The following EXOC2 variants were observed in gnomAD, a reference collection of about 807,000 sequenced individuals.
EXOC2 encodes exocyst complex component 2, also known as SEC5-like 1.
EXOC2 carries 70 observed loss-of-function variants against 131.8 expected under a neutral mutation model. The ratio of observed to expected loss-of-function variants is 0.53; its 90% CI spans 0.44 to 0.65. EXOC2 has a LOEUF of 0.65. EXOC2 is among the 30% of genes least tolerant of loss of function. The probability of loss-of-function intolerance (pLI) is 0.00; values close to 1 mark genes in which losing one functional copy is unlikely to be tolerated. For missense variants in EXOC2, 923 were observed against 1,108.6 expected (o/e 0.83, Z 2.38); for synonymous variants, 411 against 398.4 (o/e 1.03, Z -0.38).
intron 1 of EXOC2, among the ~76,000 whole-genome samples, chr6:658,700 C>T (rs1262981328): frequency 2.5e-5 from 3 of 117,970 alleles, no homozygotes; most frequent in Non-Finnish European, 5.3e-5. Context: ...TTGCTTTTGT[C>T]GCCCAGGCTA....
intron 11 of EXOC2, among the ~76,000 whole-genome samples, chr6:577,612 G>A (rs1327466141): frequency 6.6e-6 from 1 of 152,186 alleles, no homozygotes; most frequent in Non-Finnish European, 1.5e-5. Flanking sequence ...TAAGGACATT[G>A]GCTTGAAGAG....
intron 2 of EXOC2, among the ~76,000 whole-genome samples, chr6:635,574 G>A (rs1016019064): frequency 6.6e-6 from 1 of 152,010 alleles, no homozygotes; most frequent in African/African-American, 2.4e-5. Flanking sequence ...AAATAAAATA[G>A]CACCTTTTAG....
chr6:537,369 C>A (rs1441920157), intron 22 of EXOC2, among the ~76,000 whole-genome samples: 3 of 148,464 alleles, frequency 2.0e-5, no homozygotes, highest in African/African-American at 7.5e-5. Flanking sequence ...AGCGCACACT[C>A]GAGTTGATGG....
At chr6:630,242 T>G (rs1426236984) in intron 3 of EXOC2, among the ~76,000 whole-genome samples, 4 of 150,822 alleles carry the variant, frequency 2.7e-5, no homozygotes, top group Non-Finnish European at 4.4e-5. Context: ...TAGACAAAGT[T>G]TTGCAATAAC....
chr6:672,249 A>G (rs1372063712), intron 1 of EXOC2, among the ~76,000 whole-genome samples: 3 of 152,066 alleles, frequency 2.0e-5, no homozygotes, highest in African/African-American at 7.2e-5. Flanking sequence ...CTCTTCTGTT[A>G]GTGTTATTTC....
Position 549,226 on chromosome 6 carries a change from G to A in EXOC2, c.2187C>T (p.Ile729=), listed in dbSNP as rs199850010. 271 of 1,614,134 alleles carry A rather than the reference G, an allele frequency of 1.7e-4. 1 individual carries two copies. Among genetic ancestry groups the A allele is most frequent in the South Asian group, 1.0e-3 (95 of 91,082 alleles). Residue 729 remains isoleucine, a synonymous_variant, in exon 22 of 28, where the codon ATC becomes ATT. Transcript: ENST00000230449. Reference sequence around the variant, plus strand: ...AGTTGTGCTTTTCAAAATGTTCTGCGATATTTAGGAAGGTGTGACGTTCTA... The same window carrying A: ...AGTTGTGCTTTTCAAAATGTTCTGCAATATTTAGGAAGGTGTGACGTTCTA... ...CYLERHTFLN[I]AEHFEKHNFQ... is the part of the protein sequence containing the mutation.
At chr6:628,492 G>C (rs1761691009) in intron 4 of EXOC2, among the ~76,000 whole-genome samples, 1 of 152,130 alleles carries the variant, frequency 6.6e-6, no homozygotes, top group Non-Finnish European at 1.5e-5. Context: ...AGAGAACAGG[G>C]GTGGGGGTAA....
Position 522,495 on chromosome 6 carries a change from G to A in EXOC2, c.2380+9974C>T, listed in dbSNP as rs117710795. Among the ~76,000 whole-genome samples the A allele has an allele frequency of 5.0e-4, 72 of 143,900 alleles. 2 individuals carry two copies. The East Asian group carries it at 0.014, about 28-fold the overall frequency. The allele number at this position is 143,900 out of a possible 152,430, so 94.4% of individuals were successfully genotyped here. On this transcript the variant is annotated intron_variant, in intron 23 of 27. Transcript: ENST00000230449. ...GACTGCAGGACAGCGTGTGGGGAGC[G>A]CTGAACTGGGCTGGGCTCAAGTGAA...
chr6:577,898 T>C lies in EXOC2; in HGVS notation c.1193-1016A>G, dbSNP rs749249534. On this transcript the variant is annotated intron_variant, in intron 11 of 27. Coordinates refer to ENST00000230449, the MANE Select transcript of EXOC2 (RefSeq NM_018303.6). The stretch of plus-strand genomic sequence containing the variant: ...TACAGCTATTACACAAGGTCACCTC[T>C]TCCTCTTATCTACCTAAAGTGCTAC... 2.6e-4 allele frequency among the ~76,000 whole-genome samples: 40 copies of C among 152,348 alleles called. 1 individual carries two copies. The highest frequency in any genetic ancestry group is 3.4e-3 in the Middle Eastern group (1 of 294).
In EXOC2 at chr6:564,861, C is replaced by A; in HGVS notation, c.1509+3G>T. 6.2e-7 allele frequency: 1 copy of A among 1,612,802 alleles called. No individual in the cohort carries two copies. The highest frequency in any genetic ancestry group is 8.5e-7 in the Non-Finnish European group (1 of 1,179,606). The stretch of plus-strand genomic sequence containing the variant: ...GGTCTACATACTTATCACCCTTACT[C>A]ACCTTAAAATCATTTTGTCTTTGCC... On this transcript the variant is annotated splice_donor_region_variant and intron_variant, in intron 14 of 27. Transcript: ENST00000230449.
At position 564,702 on chromosome 6, in the gene EXOC2, TC is replaced by T; in HGVS notation, c.1510-1del. On this transcript the variant is annotated splice_acceptor_variant, in intron 14 of 27. Transcript: ENST00000230449. LOFTEE classifies it high-confidence loss of function. ...GAGTGCATTACTTCCTGAATCATTTTCTAGAAAACCAGGAACAAGCATAACC... is the reference window on the plus strand; with the variant it reads ...GAGTGCATTACTTCCTGAATCATTTTTAGAAAACCAGGAACAAGCATAACC... 1 of 1,587,064 alleles carries T rather than the reference TC, an allele frequency of 6.3e-7. No individual in the cohort carries two copies. The highest frequency in any genetic ancestry group is 8.6e-7 in the Non-Finnish European group (1 of 1,166,164).
intron 1 of EXOC2, among the ~76,000 whole-genome samples, chr6:688,792 T>C (rs1186530998): frequency 6.6e-6 from 1 of 152,214 alleles, no homozygotes; most frequent in Non-Finnish European, 1.5e-5. Flanking sequence ...CTGGCATGAC[T>C]TCTGATTCCT....
chr6:511,842 T>C (rs1158849479), intron 23 of EXOC2, among the ~76,000 whole-genome samples: 2 of 152,266 alleles, frequency 1.3e-5, no homozygotes, highest in Non-Finnish European at 2.9e-5. Flanking sequence ...CTCTTGAGAT[T>C]CTATTAGCAA....
At chr6:689,952 A>G (rs1201761355) in intron 1 of EXOC2, among the ~76,000 whole-genome samples, 1 of 152,224 alleles carries the variant, frequency 6.6e-6, no homozygotes, top group East Asian at 1.9e-4. Flanking sequence ...AAACAGTCCA[A>G]AGCATCTAAG....
At chr6:592,414 A>G in intron 11 of EXOC2, 55 bp downstream of exon 11, 2 of 1,387,072 alleles carry the variant, frequency 1.4e-6, no homozygotes, top group Non-Finnish European at 2.0e-6. Flanking sequence ...CATTCCCAGA[A>G]TGCATCAAAA....
chr6:496,376 C>G (rs953963849), intron 25 of EXOC2, among the ~76,000 whole-genome samples: 1 of 152,220 alleles, frequency 6.6e-6, no homozygotes, highest in African/African-American at 2.4e-5. Context: ...TTTTAGCAAG[C>G]AGTTAACTTA....
intron 26 of EXOC2, among the ~76,000 whole-genome samples, chr6:489,571 A>T (rs1381348512): frequency 6.6e-6 from 1 of 152,256 alleles, no homozygotes; most frequent in Non-Finnish European, 1.5e-5. Context: ...AGTTCTTTAC[A>T]TGAAGGTAAA....
chr6:584,451 G>A (rs887789739), intron 11 of EXOC2, among the ~76,000 whole-genome samples: 1 of 152,098 alleles, frequency 6.6e-6, no homozygotes, highest in Non-Finnish European at 1.5e-5. Context: ...TGAAAATATG[G>A]ACTTTGTGTA....
At chr6:501,673 G>T (rs1764207380) in intron 23 of EXOC2, among the ~76,000 whole-genome samples, 1 of 111,356 alleles carries the variant, frequency 9.0e-6, no homozygotes, top group African/African-American at 3.5e-5. Context: ...ATCTATAAAA[G>T]ATATATATAT....
Sources: gnomAD v4.1 joint callset for allele counts (sites outside exome capture counted in the v4.1 genomes callset) on GRCh38, gnomAD v4.1.1 for gene constraint, MANE v1.5 for transcripts, NCBI Gene and HGNC (gene_info 2026-07-23, HGNC 2026-07-21) for gene names.